C8orf34: variants seen among roughly 807,000 people sequenced by gnomAD.
C8orf34 encodes chromosome 8 open reading frame 34.
In C8orf34, 65 loss-of-function variants were observed where a neutral mutation model predicts 68.3. That is an observed-to-expected ratio of 0.95 (90% CI 0.78 to 1.17). The LOEUF (loss-of-function observed/expected upper bound fraction) is 1.17, where lower values mean the gene tolerates loss of function less well. C8orf34 is among the 50% of genes most tolerant of loss of function. C8orf34 has a pLI of 0.00. For synonymous variants in C8orf34, 244 were observed against 241.2 expected, an observed-to-expected ratio of 1.01 and a Z score of -0.11; for missense variants, 664 against 655.4, an observed-to-expected ratio of 1.01 and a Z score of -0.14.
rs192872829 is a variant in C8orf34, at chr8:68,642,261, C to T, written c.1241+1750C>T. 5.7e-4 allele frequency among the ~76,000 whole-genome samples: 87 copies of T among 152,258 alleles called. 3 individuals carry two copies. The East Asian group carries it at 0.016, about 28-fold the overall frequency. ...TTAGGTGTTTGAAATGATGAAAGTT[C>T]ATGACTGTTTTGATGGAGAATAAGG... is the stretch of plus-strand genomic sequence containing the variant. On this transcript the variant is annotated intron_variant, in intron 8 of 13. Coordinates refer to ENST00000518698, the MANE Select transcript of C8orf34 (RefSeq NM_052958.4).
chr8:68,601,754 T>C (rs1243510374), intron 7 of C8orf34, among the ~76,000 whole-genome samples: 1 of 151,140 alleles, frequency 6.6e-6, no homozygotes, highest in African/African-American at 2.4e-5. Flanking sequence ...GTGTCTTTTC[T>C]CATTCAAGTT....
intron 7 of C8orf34, among the ~76,000 whole-genome samples, chr8:68,596,502 C>T (rs1196005001): frequency 6.6e-6 from 1 of 152,010 alleles, no homozygotes; most frequent in Non-Finnish European, 1.5e-5. Flanking sequence ...TGTGTGTTCT[C>T]GCAGAACACA....
chr8:68,705,602 G>A (rs1160281116), intron 8 of C8orf34, among the ~76,000 whole-genome samples: 1 of 152,092 alleles, frequency 6.6e-6, no homozygotes, highest in Non-Finnish European at 1.5e-5. Flanking sequence ...TTGAGGAGTA[G>A]GAGTGAATAA....
chr8:68,457,457 G>T (rs1811601523), intron 3 of C8orf34, among the ~76,000 whole-genome samples: 1 of 152,078 alleles, frequency 6.6e-6, no homozygotes, highest in Admixed American at 6.6e-5. Context: ...AAGAACATTA[G>T]CATTTATTAA....
chr8:68,551,393 C>A (rs1182640052), intron 7 of C8orf34, among the ~76,000 whole-genome samples: 1 of 151,852 alleles, frequency 6.6e-6, no homozygotes, highest in Admixed American at 6.6e-5. Context: ...TCTATGCTTT[C>A]ATTGCTCATC....
intron 7 of C8orf34, among the ~76,000 whole-genome samples, chr8:68,581,093 A>G (rs1370507353): frequency 6.6e-6 from 1 of 152,128 alleles, no homozygotes; most frequent in Non-Finnish European, 1.5e-5. Flanking sequence ...AGAAATGCAT[A>G]TACATTTATT....
rs1036252530 is a variant in C8orf34, at chr8:68,488,967, T to G, written c.765+916T>G. On this transcript the variant is annotated intron_variant, in intron 5 of 13. Transcript: ENST00000518698. ...TATTAGATATCTAAACGTTAAAAAT[T>G]TAAACTGATAACGAATTTACGTTTT... is the stretch of plus-strand genomic sequence containing the variant. Among the ~76,000 whole-genome samples, 142 of 148,612 alleles carry G rather than the reference T, an allele frequency of 9.6e-4. 1 individual carries two copies. The highest frequency in any genetic ancestry group is 2.2e-3 in the East Asian group (11 of 5,048).
intron 7 of C8orf34, among the ~76,000 whole-genome samples, chr8:68,604,732 G>T (rs1817804151): frequency 6.6e-6 from 1 of 152,022 alleles, no homozygotes; most frequent in African/African-American, 2.4e-5. Flanking sequence ...AGACCTAAAT[G>T]TAAAAGGCAA....
At chr8:68,719,468 T>C (rs1301405548) in intron 9 of C8orf34, among the ~76,000 whole-genome samples, 1 of 152,040 alleles carries the variant, frequency 6.6e-6, no homozygotes, top group Non-Finnish European at 1.5e-5. Flanking sequence ...AAAAAGTTAA[T>C]ACTGCCCTGT....
intron 8 of C8orf34, among the ~76,000 whole-genome samples, chr8:68,689,098 T>G (rs764206912): frequency 2.6e-5 from 4 of 152,040 alleles, no homozygotes; most frequent in Non-Finnish European, 4.4e-5. Context: ...TTGCAGCCAC[T>G]CAGATGGAGC....
At chr8:68,371,104 C>T (rs1447179784) in intron 1 of C8orf34, among the ~76,000 whole-genome samples, 2 of 152,144 alleles carry the variant, frequency 1.3e-5, no homozygotes, top group African/African-American at 4.8e-5. Flanking sequence ...GAGCAAGCTG[C>T]TTCTGCTGGC....
intron 1 of C8orf34, among the ~76,000 whole-genome samples, chr8:68,404,672 A>G (rs1466892983): frequency 3.9e-5 from 6 of 152,304 alleles, no homozygotes; most frequent in African/African-American, 1.4e-4. Context: ...TTTGTCAAAG[A>G]TCAGATTGTT....
intron 1 of C8orf34, among the ~76,000 whole-genome samples, chr8:68,437,566 A>T (rs1249011437): frequency 6.6e-6 from 1 of 152,204 alleles, no homozygotes; most frequent in African/African-American, 2.4e-5. Context: ...CATTCCACAG[A>T]TGTATACTTA....
rs746426976 is a variant in C8orf34 at position 68,599,510 on chromosome 8, G to A, written c.1106-40866G>A. ...TATTGAACTAAGAACATAAAAATAG[G>A]CCAATGTGAAAAAAAAAGTCTAGAA... On this transcript the variant is annotated intron_variant, in intron 7 of 13. Transcript: ENST00000518698. Among the ~76,000 whole-genome samples, 2 of 151,726 alleles carry A rather than the reference G, an allele frequency of 1.3e-5. 1 individual carries two copies. Among genetic ancestry groups the A allele is most frequent in the Admixed American group, 1.3e-4 (2 of 15,238 alleles).
intron 7 of C8orf34, among the ~76,000 whole-genome samples, chr8:68,623,427 A>G (rs1348033345): frequency 6.6e-6 from 1 of 152,084 alleles, no homozygotes. Flanking sequence ...CTCAGTTATG[A>G]CAATAGAAAA....
chr8:68,372,571 T>C (rs1232377850), intron 1 of C8orf34, among the ~76,000 whole-genome samples: 1 of 152,150 alleles, frequency 6.6e-6, no homozygotes, highest in African/African-American at 2.4e-5. Context: ...CCTCTTCCTG[T>C]TTTCCCATTT....
chr8:68,806,025 G>T (rs1271683352), intron 12 of C8orf34, among the ~76,000 whole-genome samples: 1 of 151,882 alleles, frequency 6.6e-6, no homozygotes, highest in Non-Finnish European at 1.5e-5. Context: ...TTGTTCTTGA[G>T]ATTGCAACAA....
intron 1 of C8orf34, among the ~76,000 whole-genome samples, chr8:68,347,403 T>A (rs1429376597): frequency 6.6e-6 from 1 of 152,176 alleles, no homozygotes; most frequent in East Asian, 1.9e-4. Flanking sequence ...TTTGCTATTA[T>A]GAATAGTGCT....
chr8:68,368,586 T>C (rs1286532876), intron 1 of C8orf34, among the ~76,000 whole-genome samples: 1 of 152,162 alleles, frequency 6.6e-6, no homozygotes, highest in African/African-American at 2.4e-5. Context: ...ATCATTGCAA[T>C]ATTAGCTTTT....
Sources: gnomAD v4.1 joint callset for allele counts (sites outside exome capture counted in the v4.1 genomes callset) on GRCh38, gnomAD v4.1.1 for gene constraint, MANE v1.5 for transcripts, NCBI Gene and HGNC (gene_info 2026-07-23, HGNC 2026-07-21) for gene names.